Variants in GLT8D1 observed in about 807,000 individuals in gnomAD.
The protein encoded by GLT8D1 is glycosyltransferase 8 domain-containing protein 1.
GLT8D1 carries 41 observed loss-of-function variants against 46.2 expected under a neutral mutation model. That is an observed-to-expected ratio of 0.89 (90% CI 0.69 to 1.15). The LOEUF is 1.15. Ranked by LOEUF, GLT8D1 falls within the 50% of genes most tolerant of loss-of-function variation. The probability of loss-of-function intolerance (pLI) is 0.00; values close to 1 mark genes in which losing one functional copy is unlikely to be tolerated. For synonymous variants in GLT8D1, 150 were observed against 154.2 expected (o/e 0.97, Z 0.20); for missense variants, 408 against 449.3 (o/e 0.91, Z 0.83).
At chr3:52,699,760 TAC>T (rs1282817895) in intron 3 of GLT8D1, among the ~76,000 whole-genome samples, 6 of 152,222 alleles carry the variant, frequency 3.9e-5, no homozygotes, top group Non-Finnish European at 7.3e-5. Context: ...GGAAAGCTAT[TAC>T]AGTCTCTCAC....
In GLT8D1 at chr3:52,695,203, A is replaced by G; in HGVS notation, c.912T>C (p.Asn304=). ...QQHSTIDPMW[N]VRHLGSSAGK... ...AATTCTACTTACCAAGGTGGCGGAC[A>G]TTCCACATAGGATCGATGGTAGAGT... is the stretch of plus-strand genomic sequence containing the variant. The change falls in exon 9 of 10, where the codon AAT becomes AAC. Residue 304 remains asparagine (N), a synonymous_variant. Coordinates refer to ENST00000266014, the MANE Select transcript of GLT8D1 (RefSeq NM_018446.4). The G allele has an allele frequency of 6.2e-7, 1 of 1,611,652 alleles. No individual in the cohort carries two copies. Among genetic ancestry groups the G allele is most frequent in the Non-Finnish European group, 8.5e-7 (1 of 1,178,024 alleles).
In GLT8D1 at chr3:52,700,362, T is replaced by C. The variant is rs1174793940; in HGVS notation, c.17-2A>G. The C allele has an allele frequency of 6.2e-7, 1 of 1,611,090 alleles. No homozygotes were observed. The highest frequency in any genetic ancestry group is 1.3e-5 in the African/African-American group (1 of 74,992). On this transcript the variant is annotated splice_acceptor_variant, in intron 2 of 9. Transcript: ENST00000266014. LOFTEE classifies it high-confidence loss of function. ...CCAGGACCAAGATGATGATGTTTAC[T>C]GAAATAGATAGGGAAAACCTATGTT...
At position 52,697,843 on chromosome 3, in the gene GLT8D1, G is replaced by A; in HGVS notation, c.207C>T (p.Val69=). The A allele has an allele frequency of 6.2e-7, 1 of 1,613,454 alleles. No homozygotes were observed. The highest frequency in any genetic ancestry group is 1.6e-4 in the Middle Eastern group (1 of 6,062). The change falls in exon 4 of 10, where the codon GTC becomes GTT. Residue 69 remains valine, a synonymous_variant. Coordinates refer to ENST00000266014, the MANE Select transcript of GLT8D1 (RefSeq NM_018446.4). The stretch of plus-strand genomic sequence containing the variant: ...CAAGCCTGTCTTCAGATGCAGCGAT[G>A]ACCACAGGAATCTCCTCTTGTCTCC... ...VDGRQEEIPV[V]IAASEDRLGG... is the part of the protein sequence containing the mutation.
intron 1 of GLT8D1, 80 bp downstream of exon 1, chr3:52,705,367 C>A (rs2097343169): frequency 6.6e-6 from 1 of 152,484 alleles, no homozygotes; most frequent in African/African-American, 2.4e-5. Flanking sequence ...AGGGTCCCCT[C>A]TCCAAGGGAA....
At chr3:52,697,071 C>CT (rs376858957) in intron 4 of GLT8D1, among the ~76,000 whole-genome samples, 133 of 152,254 alleles carry the variant, frequency 8.7e-4, no homozygotes, top group African/African-American at 3.0e-3. Context: ...TTTCTGTAGT[C>CT]TATTTTTATA....
chr3:52,698,887 A>G (rs944122672), intron 3 of GLT8D1, among the ~76,000 whole-genome samples: 1 of 152,088 alleles, frequency 6.6e-6, no homozygotes, highest in Non-Finnish European at 1.5e-5. Context: ...CTTTCTGAGG[A>G]TAGACAGCCA....
chr3:52,705,755 C>A lies in GLT8D1; in HGVS notation c.-345G>T. The A allele has an allele frequency of 9.8e-7, 1 of 1,020,806 alleles. No individual in the cohort carries two copies. Among genetic ancestry groups the A allele is most frequent in the Non-Finnish European group, 1.3e-6 (1 of 793,324 alleles). The allele number at this position is 1,020,806 out of a possible 1,614,324, so 63.2% of individuals were successfully genotyped here. On this transcript the variant is annotated 5_prime_UTR_variant, in exon 1 of 10. Transcript: ENST00000266014. ...CCCACTACGCCCAGCCAGCCCGCAG[C>A]GGTAACCGCTAGAGCGTCGCGCCAA...
chr3:52,700,616 G>A (rs147975364), intron 1 of GLT8D1, 120 bp from the exon 2 acceptor site: 13,325 of 493,428 alleles, frequency 0.027, 244 homozygotes, highest in Middle Eastern at 0.066. Context: ...ACAGTATTCC[G>A]CCAGAAACTC....
chr3:52,702,423 G>A (rs1163549271), intron 1 of GLT8D1, among the ~76,000 whole-genome samples: 1 of 152,174 alleles, frequency 6.6e-6, no homozygotes, highest in Non-Finnish European at 1.5e-5. Context: ...ACGTGCATCT[G>A]TAGTCCCAAG....
intron 3 of GLT8D1, among the ~76,000 whole-genome samples, chr3:52,698,780 A>AT (rs556608140): frequency 2.9e-3 from 417 of 145,294 alleles, no homozygotes; most frequent in Middle Eastern, 7.1e-3. Context: ...CTTGCCTTTC[A>AT]TTTTTTTTTT....
chr3:52,702,095 G>A (rs1402068064), intron 1 of GLT8D1, among the ~76,000 whole-genome samples: 2 of 152,032 alleles, frequency 1.3e-5, no homozygotes, highest in Non-Finnish European at 2.9e-5. Context: ...TAACTCCTAG[G>A]CTCAAGCAAG....
Position 52,694,802 on chromosome 3 carries a change from CA to C in GLT8D1, c.*42del. The C allele has an allele frequency of 7.3e-7, 1 of 1,378,448 alleles. No homozygotes were observed. Among genetic ancestry groups the C allele is most frequent in the African/African-American group, 1.4e-5 (1 of 70,488 alleles). The allele number at this position is 1,378,448 out of a possible 1,614,324, so 85.4% of individuals were successfully genotyped here. Reference sequence around the variant, plus strand: ...GTTACTTCCCACGCATGCTATCTTCCAGGACTTCCTGAGAAATGCTTGCTTA... The same window carrying C: ...GTTACTTCCCACGCATGCTATCTTCCGGACTTCCTGAGAAATGCTTGCTTA... On this transcript the variant is annotated 3_prime_UTR_variant, in exon 10 of 10. Coordinates refer to ENST00000266014, the MANE Select transcript of GLT8D1 (RefSeq NM_018446.4).
At chr3:52,697,640 CA>C in intron 4 of GLT8D1, 80 bp downstream of exon 4, 1 of 924,816 alleles carries the variant, frequency 1.1e-6, no homozygotes, top group Non-Finnish European at 1.8e-6. Context: ...ACATACAAAC[CA>C]CAGAAAAACA....
chr3:52,698,017 G>A, intron 3 of GLT8D1, 83 bp from the exon 4 acceptor site: 2 of 855,550 alleles, frequency 2.3e-6, no homozygotes, highest in Non-Finnish European at 2.0e-6. Context: ...GGGAAGGTAA[G>A]GATTATGGTA....
intron 1 of GLT8D1, chr3:52,705,012 A>G (rs1287780154): frequency 6.6e-6 from 1 of 152,268 alleles, no homozygotes; most frequent in African/African-American, 2.4e-5. Flanking sequence ...CAGCAGTCCC[A>G]CCCTGTCCCG....
chr3:52,695,664 A>G, intron 7 of GLT8D1, 77 bp from the exon 8 acceptor site: 2 of 872,634 alleles, frequency 2.3e-6, no homozygotes, highest in Non-Finnish European at 1.8e-6. Flanking sequence ...TAGAGAGAAG[A>G]GCTGTTAAAC....
intron 4 of GLT8D1, among the ~76,000 whole-genome samples, chr3:52,697,054 A>G (rs1013730439): frequency 2.6e-5 from 4 of 152,152 alleles, no homozygotes; most frequent in Non-Finnish European, 4.4e-5. Context: ...GTGGCTACTT[A>G]GTGTTATTTC....
At position 52,700,344 on chromosome 3, in the gene GLT8D1, C is replaced by T. The variant is rs375560836; in HGVS notation, c.33G>A (p.Leu11=). Residue 11 remains leucine, a synonymous_variant, in exon 3 of 10, where the codon TTG becomes TTA. Coordinates refer to ENST00000266014, the MANE Select transcript of GLT8D1 (RefSeq NM_018446.4). ...GTAAGAAGAGAGCAACAGCCAGGACCAAGATGATGATGTTTACTGAAATAG... is the reference window on the plus strand; with the variant it reads ...GTAAGAAGAGAGCAACAGCCAGGACTAAGATGATGATGTTTACTGAAATAG... MSFRKVNIII[L]VLAVALFLLV... 1.9e-6 allele frequency: 3 copies of T among 1,612,918 alleles called. No homozygotes were observed. Among genetic ancestry groups the T allele is most frequent in the Non-Finnish European group, 2.5e-6 (3 of 1,179,162 alleles).
At chr3:52,699,241 A>C (rs966615659) in intron 3 of GLT8D1, among the ~76,000 whole-genome samples, 4 of 152,152 alleles carry the variant, frequency 2.6e-5, no homozygotes, top group Non-Finnish European at 5.9e-5. Flanking sequence ...GGCACAGAAG[A>C]TAAAACAGTA....
Sources: allele counts gnomAD v4.1 joint callset (sites outside exome capture counted in the v4.1 genomes callset), GRCh38; gene constraint gnomAD v4.1.1; transcripts MANE v1.5; gene names NCBI Gene and HGNC (gene_info 2026-07-23, HGNC 2026-07-21).